Variants in RAB30 observed in about 807,000 individuals in gnomAD.
RAB30 encodes the protein RAB30, member RAS oncogene family.
Under a neutral mutation model 25.1 loss-of-function variants are expected in RAB30, and 9 were observed. That is an observed-to-expected ratio of 0.36 (90% CI 0.22 to 0.63). RAB30 has a LOEUF of 0.63. Ranked by LOEUF, RAB30 falls within the 20% of genes least tolerant of loss-of-function variation. RAB30 has a pLI of 0.69. For synonymous variants in RAB30, 77 were observed against 86.4 expected, an observed-to-expected ratio of 0.89 and a Z score of 0.60; for missense variants, 140 against 243.5, an observed-to-expected ratio of 0.58 and a Z score of 2.83.
At chr11:83,050,435 C>T (rs1858332320) in intron 1 of RAB30, among the ~76,000 whole-genome samples, 2 of 152,092 alleles carry the variant, frequency 1.3e-5, no homozygotes, top group South Asian at 4.1e-4. Flanking sequence ...TGGCACACAA[C>T]AGGTACTTCA....
rs1856647866 is a variant in RAB30 at position 82,982,053 on chromosome 11, A to C, written c.*112T>G. The stretch of plus-strand genomic sequence containing the variant: ...CCATGCTTTGTAAGCTCAGGAGCCC[A>C]CAGGAGTCAGAAGGTCAGAGAGCGG... On this transcript the variant is annotated 3_prime_UTR_variant, in exon 5 of 5. Transcript: ENST00000527633. The C allele has an allele frequency of 6.9e-7, 1 of 1,447,026 alleles. No individual in the cohort carries two copies. The highest frequency in any genetic ancestry group is 9.5e-7 in the Non-Finnish European group (1 of 1,057,842). 89.6% of individuals were successfully genotyped at this position (1,447,026 alleles called of 1,614,324 possible).
At chr11:83,036,390 ACTC>A (rs1857988882) in intron 1 of RAB30, among the ~76,000 whole-genome samples, 1 of 152,030 alleles carries the variant, frequency 6.6e-6, no homozygotes, top group African/African-American at 2.4e-5. Context: ...CTGGTCTCGA[ACTC>A]CTGACCTCAA....
At chr11:83,026,206 A>C (rs1285386819) in intron 1 of RAB30, among the ~76,000 whole-genome samples, 1 of 152,168 alleles carries the variant, frequency 6.6e-6, no homozygotes, top group Non-Finnish European at 1.5e-5. Context: ...AAAGACATAG[A>C]TATAGATACA....
At chr11:83,016,024 G>C (rs1262829696) in intron 1 of RAB30, among the ~76,000 whole-genome samples, 2 of 152,160 alleles carry the variant, frequency 1.3e-5, no homozygotes, top group Non-Finnish European at 2.9e-5. Flanking sequence ...TGTAGTCCCA[G>C]CTACTGAGGA....
intron 1 of RAB30, among the ~76,000 whole-genome samples, chr11:83,028,305 A>G (rs1048344610): frequency 1.3e-5 from 2 of 152,304 alleles, no homozygotes; most frequent in African/African-American, 2.4e-5. Context: ...AAAGACAAAG[A>G]TATGGAAACA....
intron 1 of RAB30, among the ~76,000 whole-genome samples, chr11:83,027,234 C>G (rs559270718): frequency 6.6e-6 from 1 of 152,250 alleles, no homozygotes; most frequent in South Asian, 2.1e-4. Context: ...TGGGAATTCA[C>G]TGTATTGCCC....
chr11:83,012,985 C>T (rs946284802), intron 1 of RAB30, among the ~76,000 whole-genome samples: 3 of 152,174 alleles, frequency 2.0e-5, no homozygotes, highest in East Asian at 1.9e-4. Flanking sequence ...TCAAACCATA[C>T]CCCCACCCTC....
Position 82,982,131 on chromosome 11 carries a change from T to A in RAB30, c.*34A>T. The A allele has an allele frequency of 6.2e-7, 1 of 1,612,768 alleles. No individual in the cohort carries two copies. The highest frequency in any genetic ancestry group is 8.5e-7 in the Non-Finnish European group (1 of 1,178,960). The stretch of plus-strand genomic sequence containing the variant: ...AGCATCTCATGGCCCATCAGGGCAG[T>A]TGCTGATTCCTTTTCTTCTCCGTGC... On this transcript the variant is annotated 3_prime_UTR_variant, in exon 5 of 5. Coordinates refer to ENST00000527633, the MANE Select transcript of RAB30 (RefSeq NM_001286060.2).
At chr11:83,033,345 T>A (rs2037796061) in intron 1 of RAB30, among the ~76,000 whole-genome samples, 1 of 152,068 alleles carries the variant, frequency 6.6e-6, no homozygotes, top group Admixed American at 6.6e-5. Flanking sequence ...GGATTACAGG[T>A]GTCAGCCACT....
At chr11:83,032,589 T>C (rs925320545) in intron 1 of RAB30, among the ~76,000 whole-genome samples, 1 of 152,202 alleles carries the variant, frequency 6.6e-6, no homozygotes, top group Non-Finnish European at 1.5e-5. Flanking sequence ...CTCAGCCACC[T>C]GAGTAGCTGG....
At chr11:83,023,251 A>G (rs1857624239) in intron 1 of RAB30, among the ~76,000 whole-genome samples, 1 of 152,178 alleles carries the variant, frequency 6.6e-6, no homozygotes, top group Admixed American at 6.5e-5. Context: ...AATGCTCTGA[A>G]AGCAATAGTA....
intron 1 of RAB30, among the ~76,000 whole-genome samples, chr11:83,054,438 T>C (rs1463770925): frequency 2.6e-5 from 4 of 152,216 alleles, no homozygotes; most frequent in Non-Finnish European, 5.9e-5. Context: ...TAAATTAGGT[T>C]TTTAGATCTG....
At chr11:83,015,556 A>C (rs1182903544) in intron 1 of RAB30, among the ~76,000 whole-genome samples, 1 of 152,240 alleles carries the variant, frequency 6.6e-6, no homozygotes. Flanking sequence ...CTATGTGGAC[A>C]TGAATCTGAA....
chr11:82,986,059 A>G (rs1856733828), intron 4 of RAB30, among the ~76,000 whole-genome samples: 1 of 152,144 alleles, frequency 6.6e-6, no homozygotes, highest in Admixed American at 6.5e-5. Flanking sequence ...AAATTTGAAC[A>G]CTGTCTAAGT....
intron 4 of RAB30, among the ~76,000 whole-genome samples, chr11:82,986,259 A>G (rs890659599): frequency 1.3e-5 from 2 of 152,208 alleles, no homozygotes; most frequent in African/African-American, 4.8e-5. Context: ...AGAAAATAAG[A>G]TTGGTCATGA....
chr11:83,070,196 C>T (rs1330425131), intron 1 of RAB30, among the ~76,000 whole-genome samples: 1 of 152,110 alleles, frequency 6.6e-6, no homozygotes, highest in Non-Finnish European at 1.5e-5. Context: ...AAGAGCAGAG[C>T]GTCATCAACA....
chr11:82,999,089 C>A (rs1857020332), intron 1 of RAB30, among the ~76,000 whole-genome samples: 2 of 152,284 alleles, frequency 1.3e-5, no homozygotes, highest in South Asian at 4.1e-4. Flanking sequence ...GTTCATTGGG[C>A]CTGTGAAGGA....
At chr11:83,028,491 A>G (rs1811983680) in intron 1 of RAB30, among the ~76,000 whole-genome samples, 1 of 152,178 alleles carries the variant, frequency 6.6e-6, no homozygotes, top group Admixed American at 6.5e-5. Flanking sequence ...CACACGAAGC[A>G]CACTGTGAAA....
intron 4 of RAB30, among the ~76,000 whole-genome samples, chr11:82,986,843 A>C (rs970647748): frequency 2.0e-5 from 3 of 152,242 alleles, no homozygotes; most frequent in Non-Finnish European, 4.4e-5. Context: ...ATTATTAACC[A>C]TAATTTGTAA....
Sources: allele counts gnomAD v4.1 joint callset (sites outside exome capture counted in the v4.1 genomes callset), GRCh38; gene constraint gnomAD v4.1.1; transcripts MANE v1.5; gene names NCBI Gene and HGNC (gene_info 2026-07-23, HGNC 2026-07-21).